KCNK12: variants seen among roughly 807,000 people sequenced by gnomAD.
The protein encoded by KCNK12 is potassium two pore domain channel subfamily K member 12, also known as potassium channel subfamily K member 12.
Under a neutral mutation model 25.3 loss-of-function variants are expected in KCNK12, and 6 were observed. The ratio of observed to expected loss-of-function variants is 0.24; its 90% CI spans 0.13 to 0.47. KCNK12 has a LOEUF of 0.47. Ranked by LOEUF, KCNK12 falls within the 20% of genes least tolerant of loss-of-function variation. The pLI is 0.99. For synonymous variants in KCNK12, 331 were observed against 311.1 expected, an observed-to-expected ratio of 1.06 and a Z score of -0.67; for missense variants, 444 against 661.7, an observed-to-expected ratio of 0.67 and a Z score of 3.61.
At chr2:47,559,447 A>G (rs2104878155) in intron 1 of KCNK12, among the ~76,000 whole-genome samples, 1 of 152,300 alleles carries the variant, frequency 6.6e-6, no homozygotes, top group East Asian at 1.9e-4. Flanking sequence ...TCAGTTACTC[A>G]TTCATTCCAT....
Position 47,515,986 on chromosome 2 carries a change from G to A in KCNK12, c.*4921C>T, listed in dbSNP as rs182170160. Among the ~76,000 whole-genome samples, 4 of 152,192 alleles carry A rather than the reference G, an allele frequency of 2.6e-5. No individual in the cohort carries two copies. The highest frequency in any genetic ancestry group is 1.9e-4 in the East Asian group (1 of 5,174). ...AATTGTGGAGGACTTTACACTTTTC[G>A]GAGTTCCTAGCCCCTCACTTATTTC... On this transcript the variant is annotated 3_prime_UTR_variant, in exon 2 of 2. Transcript: ENST00000327876.
At position 47,520,952 on chromosome 2, in the gene KCNK12, C is replaced by A; in HGVS notation, c.1248G>T (p.Leu416=). ...CGGCCAGCCGGTTGTTCATGATGCC[C>A]AGCGCGCCCACGCCGCCCGAGAAGC... ...QNGFSGGVGA[L]GIMNNRLAET... is the part of the protein sequence containing the mutation. Residue 416 remains leucine (L), a synonymous_variant, in exon 2 of 2, where the codon CTG becomes CTT. Coordinates refer to ENST00000327876, the MANE Select transcript of KCNK12 (RefSeq NM_022055.2). This position sits in a 1 kb window ranked among gnomAD's most constrained non-coding sequence, Gnocchi z 5.0. 7.7e-7 allele frequency: 1 copy of A among 1,296,184 alleles called. No homozygotes were observed. Among genetic ancestry groups the A allele is most frequent in the Admixed American group, 3.9e-5 (1 of 25,942 alleles). 80.3% of individuals were successfully genotyped at this position (1,296,184 alleles called of 1,614,324 possible). A position where few individuals can be genotyped will look rare whatever the true frequency, so the allele number is the denominator to read the frequency against.
Position 47,515,592 on chromosome 2 carries a change from T to C in KCNK12, c.*5315A>G, listed in dbSNP as rs373394573. On this transcript the variant is annotated 3_prime_UTR_variant, in exon 2 of 2. Transcript: ENST00000327876. ...CCCTGCTGTAGATAAAAGATGGAGC[T>C]TGTGCTTCTGAGTGGTCATGCTCAA... Among the ~76,000 whole-genome samples, 6 of 152,296 alleles carry C rather than the reference T, an allele frequency of 3.9e-5. No individual in the cohort carries two copies. Among genetic ancestry groups the C allele is most frequent in the African/African-American group, 1.2e-4 (5 of 41,562 alleles).
rs1398489364 is a variant in KCNK12 at position 47,516,621 on chromosome 2, C to G, written c.*4286G>C. On this transcript the variant is annotated 3_prime_UTR_variant, in exon 2 of 2. Coordinates refer to ENST00000327876, the MANE Select transcript of KCNK12 (RefSeq NM_022055.2). Reference sequence around the variant, plus strand: ...ATTCATCGTTAATTTAAACACCCTTCAAGTCCTCTCTTGGAATGCTGCTCA... The same window carrying G: ...ATTCATCGTTAATTTAAACACCCTTGAAGTCCTCTCTTGGAATGCTGCTCA... 6.6e-6 allele frequency: 1 copy of G among 152,236 alleles called. No homozygotes were observed. 9.4% of individuals were successfully genotyped at this position (152,236 alleles called of 1,614,324 possible).
intron 1 of KCNK12, among the ~76,000 whole-genome samples, chr2:47,526,241 A>G (rs1230525801): frequency 2.0e-5 from 1 of 49,944 alleles, no homozygotes; most frequent in Non-Finnish European, 3.4e-5. Context: ...CTAAAAATAC[A>G]AAAAAAAAAA....
In KCNK12 at chr2:47,562,645, G is replaced by A. The variant is rs1669701510; in HGVS notation, c.391+7296C>T. 1 of 233,206 alleles carries A rather than the reference G, an allele frequency of 4.3e-6. No homozygotes were observed. The highest frequency in any genetic ancestry group is 8.5e-6 in the Non-Finnish European group (1 of 118,096). 14.4% of individuals were successfully genotyped at this position (233,206 alleles called of 1,614,324 possible). On this transcript the variant is annotated intron_variant, in intron 1 of 1. Coordinates refer to ENST00000327876, the MANE Select transcript of KCNK12 (RefSeq NM_022055.2). The surrounding 1 kb of genome is among the most constrained non-coding windows in gnomAD (Gnocchi z 4.8). ...AACTTCCTGGGGCCAGAGTCTCATA[G>A]CAGTGGTAGCCAAGAGTTGGCTTAG...
Position 47,521,420 on chromosome 2 carries a change from C to A in KCNK12, c.780G>T (p.Gly260=). The change falls in exon 2 of 2, where the codon GGG becomes GGT. Residue 260 remains glycine (G), a synonymous_variant. Coordinates refer to ENST00000327876, the MANE Select transcript of KCNK12 (RefSeq NM_022055.2). Reference sequence around the variant, plus strand: ...CGGCGTGCTGGCTGCTCACCAGGTCCCCGAAGCCGATGGTGCTGAAGGTGA... The same window carrying A: ...CGGCGTGCTGGCTGCTCACCAGGTCACCGAAGCCGATGGTGCTGAAGGTGA... ...CFVTFSTIGF[G]DLVSSQHAAY... The A allele has an allele frequency of 6.2e-7, 1 of 1,613,548 alleles. No homozygotes were observed. The highest frequency in any genetic ancestry group is 8.5e-7 in the Non-Finnish European group (1 of 1,179,846).
rs1177733937 is a variant in KCNK12 at position 47,566,443 on chromosome 2, CAT to C, written c.391+3496_391+3497del. The C allele has an allele frequency of 6.6e-6, 1 of 151,922 alleles. No individual in the cohort carries two copies. 9.4% of individuals were successfully genotyped at this position (151,922 alleles called of 1,614,324 possible). ...GTGTACACACACACGTGCACACACA[CAT>C]ACACACACTGGTGCAAAAAAGGGCA... On this transcript the variant is annotated intron_variant, in intron 1 of 1. Transcript: ENST00000327876. The surrounding 1 kb of genome is among the most constrained non-coding windows in gnomAD (Gnocchi z 4.1).
rs1669712612 is a variant in KCNK12, at chr2:47,562,973, A to T, written c.391+6968T>A. On this transcript the variant is annotated intron_variant, in intron 1 of 1. Coordinates refer to ENST00000327876, the MANE Select transcript of KCNK12 (RefSeq NM_022055.2). The surrounding 1 kb of genome is among the most constrained non-coding windows in gnomAD (Gnocchi z 4.8). Reference sequence around the variant, plus strand: ...AAGTCAGTGGAACTGGACGGAAAAAATGGAAGGGCCAGAAAACTTGGGGAG... The same window carrying T: ...AAGTCAGTGGAACTGGACGGAAAAATTGGAAGGGCCAGAAAACTTGGGGAG... 4.3e-6 allele frequency: 1 copy of T among 233,418 alleles called. No homozygotes were observed. Among genetic ancestry groups the T allele is most frequent in the Non-Finnish European group, 8.5e-6 (1 of 118,282 alleles). 14.5% of individuals were successfully genotyped at this position (233,418 alleles called of 1,614,324 possible).
rs1010916161 is a variant in KCNK12, at chr2:47,551,960, G to A, written c.391+17981C>T. On this transcript the variant is annotated intron_variant, in intron 1 of 1. Transcript: ENST00000327876. The surrounding 1 kb of genome is among the most constrained non-coding windows in gnomAD (Gnocchi z 5.3). Reference sequence around the variant, plus strand: ...ACCCAGAGGAGCTGGGCCTCCTCCTGAAGGGCCTGCATCACCTCCTTCCTT... The same window carrying A: ...ACCCAGAGGAGCTGGGCCTCCTCCTAAAGGGCCTGCATCACCTCCTTCCTT... Among the ~76,000 whole-genome samples, 2 of 152,136 alleles carry A rather than the reference G, an allele frequency of 1.3e-5. No individual in the cohort carries two copies. The highest frequency in any genetic ancestry group is 1.3e-4 in the Admixed American group (2 of 15,276).
chr2:47,542,073 C>T (rs1180168371), intron 1 of KCNK12, among the ~76,000 whole-genome samples: 1 of 152,186 alleles, frequency 6.6e-6, no homozygotes, highest in Non-Finnish European at 1.5e-5. Context: ...ATTTATCCTG[C>T]TAACTGCAGG....
At chr2:47,530,639 CT>C (rs1668900304) in intron 1 of KCNK12, among the ~76,000 whole-genome samples, 1 of 152,200 alleles carries the variant, frequency 6.6e-6, no homozygotes, top group Non-Finnish European at 1.5e-5. Flanking sequence ...CATGTTTTCA[CT>C]GATTCCAAGT....
At chr2:47,550,788 G>A (rs1669413475) in intron 1 of KCNK12, among the ~76,000 whole-genome samples, 1 of 152,028 alleles carries the variant, frequency 6.6e-6, no homozygotes, top group Admixed American at 6.5e-5. Flanking sequence ...CAGTAAATAT[G>A]CATTTCTTTT....
chr2:47,563,528 C>T (rs946631213), intron 1 of KCNK12: 20 of 233,084 alleles, frequency 8.6e-5, no homozygotes, highest in Non-Finnish European at 1.3e-4. Flanking sequence ...AACCTCTCCT[C>T]CTCTCTGAGC....
At chr2:47,561,067 A>T (rs1285653939) in intron 1 of KCNK12, among the ~76,000 whole-genome samples, 1 of 152,112 alleles carries the variant, frequency 6.6e-6, no homozygotes, top group Non-Finnish European at 1.5e-5. Flanking sequence ...ATGACACTGG[A>T]CCCACCTCAG....
intron 1 of KCNK12, among the ~76,000 whole-genome samples, chr2:47,526,336 G>T (rs577640068): frequency 1.3e-5 from 2 of 151,290 alleles, no homozygotes; most frequent in Non-Finnish European, 2.9e-5. Context: ...AACCCAGGAG[G>T]CGGAGCTTGC....
rs1458221307 is a variant in KCNK12 at position 47,540,929 on chromosome 2, C to T, written c.392-19121G>A. Among the ~76,000 whole-genome samples, 1 of 152,206 alleles carries T rather than the reference C, an allele frequency of 6.6e-6. No homozygotes were observed. Among genetic ancestry groups the T allele is most frequent in the Non-Finnish European group, 1.5e-5 (1 of 68,034 alleles). ...TACCACTGCACTCCAGCCTGGGCAA[C>T]AGAGTGAGACCCTGTCTCTACATAA... On this transcript the variant is annotated intron_variant, in intron 1 of 1. Coordinates refer to ENST00000327876, the MANE Select transcript of KCNK12 (RefSeq NM_022055.2). The surrounding 1 kb of genome is among the most constrained non-coding windows in gnomAD (Gnocchi z 5.4).
rs1449954982 is a variant in KCNK12 at position 47,556,542 on chromosome 2, A to G, written c.391+13399T>C. ...GTCCAGCTGGTACTCAGGGTCACCA[A>G]TTTAAAGTTGGACCAGTCAGCATCT... On this transcript the variant is annotated intron_variant, in intron 1 of 1. Transcript: ENST00000327876. This position sits in a 1 kb window ranked among gnomAD's most constrained non-coding sequence, Gnocchi z 4.8. 6.6e-6 allele frequency among the ~76,000 whole-genome samples: 1 copy of G among 152,104 alleles called. No homozygotes were observed. The highest frequency in any genetic ancestry group is 1.5e-5 in the Non-Finnish European group (1 of 68,028).
intron 1 of KCNK12, among the ~76,000 whole-genome samples, chr2:47,541,388 A>C (rs998765548): frequency 1.6e-4 from 25 of 152,178 alleles, no homozygotes; most frequent in African/African-American, 5.3e-4. Flanking sequence ...ATTTCTGAAA[A>C]TCACCAAGCC....
Sources: gnomAD v4.1 joint callset for allele counts (sites outside exome capture counted in the v4.1 genomes callset) on GRCh38, gnomAD v4.1.1 for gene constraint, Gnocchi (gnomAD v3.1) non-coding constraint, MANE v1.5 for transcripts, NCBI Gene and HGNC (gene_info 2026-07-23, HGNC 2026-07-21) for gene names.